SIN3A: variants seen among roughly 807,000 people sequenced by gnomAD.
SIN3A encodes paired amphipathic helix protein Sin3a.
SIN3A carries 14 observed loss-of-function variants against 146.1 expected under a neutral mutation model. The observed-to-expected ratio is 0.10, with a 90% CI of 0.06 to 0.15. The LOEUF is 0.15. Ranked by LOEUF, SIN3A falls within the 10% of genes least tolerant of loss-of-function variation. SIN3A has a pLI of 1.00. For missense variants in SIN3A, 1,028 were observed against 1,576.0 expected (o/e 0.65, Z 5.89); for synonymous variants, 572 against 572.0 (o/e 1.00, Z 0.00).
intron 9 of SIN3A, among the ~76,000 whole-genome samples, chr15:75,405,114 C>T (rs1231607508): frequency 6.6e-6 from 1 of 152,028 alleles, no homozygotes; most frequent in Admixed American, 6.6e-5. Flanking sequence ...CACCTGTAAT[C>T]CCAGCACTTT....
At chr15:75,441,253 G>A (rs1225340498) in intron 1 of SIN3A, among the ~76,000 whole-genome samples, 3 of 151,774 alleles carry the variant, frequency 2.0e-5, no homozygotes, top group Admixed American at 6.6e-5. Flanking sequence ...GAGGTTGACC[G>A]AGATCTCGCC....
At chr15:75,442,157 AT>A (rs1321264843) in intron 1 of SIN3A, among the ~76,000 whole-genome samples, 13 of 104,634 alleles carry the variant, frequency 1.2e-4, no homozygotes, top group Non-Finnish European at 2.2e-4. Flanking sequence ...AAAAAAACTG[AT>A]TTTTTTTTTC....
intron 20 of SIN3A, among the ~76,000 whole-genome samples, 170 bp downstream of exon 20, chr15:75,375,495 G>A (rs528937165): frequency 1.1e-4 from 16 of 152,234 alleles, no homozygotes; most frequent in African/African-American, 3.4e-4. Context: ...ACAGTCTGTG[G>A]TACTTTGTCA....
intron 1 of SIN3A, among the ~76,000 whole-genome samples, chr15:75,447,011 C>T (rs904002089): frequency 2.0e-4 from 30 of 152,188 alleles, no homozygotes; most frequent in African/African-American, 7.0e-4. Context: ...TCGTGATCCG[C>T]CTGCCTCAGC....
chr15:75,407,280 A>C (rs1213025191), intron 8 of SIN3A, 136 bp from the exon 9 acceptor site: 7 of 598,404 alleles, frequency 1.2e-5, no homozygotes, highest in Admixed American at 9.3e-5. Flanking sequence ...AACTCTAACC[A>C]ACTCACTCCA....
intron 17 of SIN3A, among the ~76,000 whole-genome samples, chr15:75,383,565 G>A (rs1338583387): frequency 6.8e-6 from 1 of 146,782 alleles, no homozygotes; most frequent in Non-Finnish European, 1.5e-5. Flanking sequence ...GTCTCGCTCT[G>A]TCTCCCAGGC....
At position 75,442,614 on chromosome 15, in the gene SIN3A, C is replaced by CT. The variant is rs989295533; in HGVS notation, c.-34+8808dup. ...GGCAACATAGTGAGATAGATCCCAT[C>CT]TTTAAAAAAAAAAAAAAAAAAAAAA... On this transcript the variant is annotated intron_variant, in intron 1 of 20. Coordinates refer to ENST00000394947, the MANE Select transcript of SIN3A (RefSeq NM_001145358.2). 1.5e-4 allele frequency among the ~76,000 whole-genome samples: 16 copies of CT among 105,268 alleles called. No individual in the cohort carries two copies. In the East Asian group the frequency reaches 3.5e-3, roughly 23 times the overall value. The allele number at this position is 105,268 out of a possible 152,430, so 69.1% of individuals were successfully genotyped here.
In SIN3A at chr15:75,370,044, G is replaced by GT. The variant is rs2072707266; in HGVS notation, c.*1934dup. The GT allele has an allele frequency of 6.6e-6, 1 of 152,490 alleles. No homozygotes were observed. Among genetic ancestry groups the GT allele is most frequent in the African/African-American group, 2.4e-5 (1 of 41,428 alleles). 9.4% of individuals were successfully genotyped at this position (152,490 alleles called of 1,614,324 possible). ...GTGGGAGGACAGCTTGAGGCCAGGA[G>GT]TTTGAGACCAACCTGGGCAGCATAG... On this transcript the variant is annotated 3_prime_UTR_variant, in exon 21 of 21. Transcript: ENST00000394947.
intron 1 of SIN3A, among the ~76,000 whole-genome samples, chr15:75,438,518 T>C (rs2074145342): frequency 6.6e-6 from 1 of 152,058 alleles, no homozygotes; most frequent in Non-Finnish European, 1.5e-5. Flanking sequence ...ACACCGTCTC[T>C]ACAAAAAAAT....
At chr15:75,384,834 C>T (rs977036756) in intron 16 of SIN3A, among the ~76,000 whole-genome samples, 24 of 152,086 alleles carry the variant, frequency 1.6e-4, no homozygotes, top group African/African-American at 5.8e-4. Context: ...TCACAACTGC[C>T]CTGGGAAGGC....
chr15:75,423,610 G>A (rs1464501580), intron 2 of SIN3A, among the ~76,000 whole-genome samples: 4 of 152,044 alleles, frequency 2.6e-5, no homozygotes, highest in African/African-American at 7.2e-5. Context: ...CCCAGGAGGC[G>A]GAGCTTGCAG....
chr15:75,412,471 A>AACT (rs2073658810), intron 5 of SIN3A, among the ~76,000 whole-genome samples: 1 of 152,226 alleles, frequency 6.6e-6, no homozygotes, highest in South Asian at 2.1e-4. Flanking sequence ...CTGTGCTGTC[A>AACT]ACTACTACTA....
At chr15:75,377,878 G>C (rs900852888) in intron 19 of SIN3A, among the ~76,000 whole-genome samples, 1 of 152,146 alleles carries the variant, frequency 6.6e-6, no homozygotes, top group Non-Finnish European at 1.5e-5. Context: ...CAAGTATTTG[G>C]CAGATGTTTT....
chr15:75,445,016 G>A (rs2074279961), intron 1 of SIN3A, among the ~76,000 whole-genome samples: 1 of 151,472 alleles, frequency 6.6e-6, no homozygotes, highest in South Asian at 2.1e-4. Context: ...GATTGCTTGA[G>A]TCCAGGAAGA....
chr15:75,454,032 G>A (rs1293021132), upstream of SIN3A: 1 of 152,248 alleles, frequency 6.6e-6, no homozygotes, highest in African/African-American at 2.4e-5. Context: ...GGGAGGCGGG[G>A]AGCAAGGGTG....
In SIN3A at chr15:75,370,608, CTT is replaced by C. The variant is rs912938371; in HGVS notation, c.*1369_*1370del. ...AGGTATACCACATGCCTTATGCACA[CTT>C]TTTTTTCAAACACTGGTTTGGTATT... On this transcript the variant is annotated 3_prime_UTR_variant, in exon 21 of 21. Transcript: ENST00000394947. The C allele has an allele frequency of 6.6e-6, 1 of 152,074 alleles. No individual in the cohort carries two copies. Among genetic ancestry groups the C allele is most frequent in the African/African-American group, 2.4e-5 (1 of 41,396 alleles). 9.4% of individuals were successfully genotyped at this position (152,074 alleles called of 1,614,324 possible). A position where few individuals can be genotyped will look rare whatever the true frequency, so the allele number is the denominator to read the frequency against.
chr15:75,430,178 C>T lies in SIN3A; in HGVS notation c.189+9G>A. On this transcript the variant is annotated intron_variant, in intron 2 of 20. Transcript: ENST00000394947. Reference sequence around the variant, plus strand: ...CCTCATTCTAGTCCCTTGGTTGGCTCCAGCTTACCTGGTAGCTGGGTGTTA... The same window carrying T: ...CCTCATTCTAGTCCCTTGGTTGGCTTCAGCTTACCTGGTAGCTGGGTGTTA... The T allele has an allele frequency of 1.2e-6, 2 of 1,611,616 alleles. No individual in the cohort carries two copies. The highest frequency in any genetic ancestry group is 1.7e-6 in the Non-Finnish European group (2 of 1,177,838).
At chr15:75,452,655 G>A (rs1362736007), upstream of SIN3A, among the ~76,000 whole-genome samples, 1 of 152,216 alleles carries the variant, frequency 6.6e-6, no homozygotes, top group Non-Finnish European at 1.5e-5. Context: ...CAAAAGAGAG[G>A]CGGGCTCTAA....
intron 2 of SIN3A, among the ~76,000 whole-genome samples, chr15:75,424,469 AT>A (rs1453334970): frequency 6.6e-6 from 1 of 151,824 alleles, no homozygotes; most frequent in Non-Finnish European, 1.5e-5. Flanking sequence ...TAAACCCGTA[AT>A]TTTTTTTCTT....
Sources: gnomAD v4.1 joint callset for allele counts (sites outside exome capture counted in the v4.1 genomes callset) on GRCh38, gnomAD v4.1.1 for gene constraint, MANE v1.5 for transcripts, NCBI Gene and HGNC (gene_info 2026-07-23, HGNC 2026-07-21) for gene names.